F9: variants seen among roughly 807,000 people sequenced by gnomAD.
F9 encodes the protein coagulation factor IX.
Under a neutral mutation model 34.1 loss-of-function variants are expected in F9, and 2 were observed. That is an observed-to-expected ratio of 0.06 (90% CI 0.02 to 0.18). The LOEUF (loss-of-function observed/expected upper bound fraction) is 0.18, where lower values mean the gene tolerates loss of function less well. Among genes scored for constraint, F9 ranks in the 10% least tolerant of loss-of-function variants. The pLI is 1.00. For synonymous variants in F9, 137 were observed against 118.8 expected (o/e 1.15, Z -1.00); for missense variants, 216 against 345.1 (o/e 0.63, Z 2.96).
intron 4 of F9, 28 bp downstream of exon 4, chrX:139,541,217 G>C (rs1212294389): frequency 2.0e-6 from 2 of 1,017,581 alleles, no homozygotes; most frequent in African/African-American, 1.9e-5. Context: ...GAATACTCAT[G>C]GTTCAAAGTT....
Position 139,562,120 on chromosome X carries a change from G to A in F9, c.*49G>A, listed in dbSNP as rs749380514. ...ATTCATTGGAATTGAAAATTAACAG[G>A]GCCTCTCACTAACTAATCACTTTCC... On this transcript the variant is annotated 3_prime_UTR_variant, in exon 8 of 8. Transcript: ENST00000218099. 1.9e-6 allele frequency: 2 copies of A among 1,043,637 alleles called. No individual in the cohort carries two copies. Among genetic ancestry groups the A allele is most frequent in the South Asian group, 1.9e-5 (1 of 52,343 alleles). The allele number at this position is 1,043,637 out of a possible 1,213,427, so 86.0% of individuals were successfully genotyped here.
intron 6 of F9, among the ~76,000 whole-genome samples, chrX:139,554,421 C>T (rs1362440652): frequency 1.8e-5 from 2 of 112,557 alleles, no homozygotes; most frequent in African/African-American, 6.5e-5. Flanking sequence ...GTGAAAGACC[C>T]TGTCATACTT....
In F9 at chrX:139,561,950, C is replaced by T. The variant is rs769009650; in HGVS notation, c.1265C>T (p.Thr422Ile). 5.0e-6 allele frequency: 6 copies of T among 1,211,159 alleles called. No individual in the cohort carries two copies. The South Asian group carries it at 8.8e-5, about 18-fold the overall frequency. ...GGPHVTEVEG[T>I]SFLTGIISWG... Reference sequence around the variant, plus strand: ...CCCCATGTTACTGAAGTGGAAGGGACCAGTTTCTTAACTGGAATTATTAGC... The same window carrying T: ...CCCCATGTTACTGAAGTGGAAGGGATCAGTTTCTTAACTGGAATTATTAGC... The change falls in exon 8 of 8, where the codon ACC becomes ATC. Residue 422 changes from threonine to isoleucine, a missense_variant. Thr to Ile is a moderately conservative substitution (Grantham distance 89, BLOSUM62 -1). This residue lies in a region of F9 where 177 missense variants were observed against 311.8 expected (regional missense o/e 0.57). Coordinates refer to ENST00000218099, the MANE Select transcript of F9 (RefSeq NM_000133.4).
chrX:139,558,020 A>G (rs1344271313), intron 6 of F9, among the ~76,000 whole-genome samples: 2 of 112,210 alleles, frequency 1.8e-5, no homozygotes. Context: ...CACCTGCCCA[A>G]TGAGCACTGC....
At chrX:139,556,160 C>T (rs753202372) in intron 6 of F9, among the ~76,000 whole-genome samples, 1 of 111,113 alleles carries the variant, frequency 9.0e-6, no homozygotes, top group Non-Finnish European at 1.9e-5. Flanking sequence ...ATTTGAAGAT[C>T]ATTCTATTAG....
rs4149693 is a variant in F9, at chrX:139,541,001, A to G, written c.278-75A>G. 931 of 751,417 alleles carry G rather than the reference A, an allele frequency of 1.2e-3. 5 individuals carry two copies. The African/African-American group carries it at 0.015, about 12-fold the overall frequency. The allele number at this position is 751,417 out of a possible 1,213,427, so 61.9% of individuals were successfully genotyped here. A position where few individuals can be genotyped will look rare whatever the true frequency, so the allele number is the denominator to read the frequency against. The stretch of plus-strand genomic sequence containing the variant: ...ACCCTAAAATCAGACTCCCATCCCA[A>G]TGAGTATCTACAGGGGAGGACCGGG... On this transcript the variant is annotated intron_variant, in intron 3 of 7. Coordinates refer to ENST00000218099, the MANE Select transcript of F9 (RefSeq NM_000133.4).
chrX:139,536,187 G>A (rs898531389), intron 1 of F9, among the ~76,000 whole-genome samples: 6 of 75,843 alleles, frequency 7.9e-5, no homozygotes, highest in African/African-American at 2.8e-4. Flanking sequence ...ATATATATGT[G>A]TACATATATG....
chrX:139,537,913 G>A (rs145346158), intron 3 of F9, among the ~76,000 whole-genome samples: 1 of 111,004 alleles, frequency 9.0e-6, no homozygotes, highest in Non-Finnish European at 1.9e-5. Flanking sequence ...GGCTTTATCT[G>A]GCTGTTTCTC....
At chrX:139,556,968 T>G (rs769460242) in intron 6 of F9, among the ~76,000 whole-genome samples, 1 of 111,988 alleles carries the variant, frequency 8.9e-6, no homozygotes, top group African/African-American at 3.2e-5. Flanking sequence ...AACGGTTACG[T>G]TGGAGTTAAA....
chrX:139,543,969 G>A (rs1166842464), intron 4 of F9, among the ~76,000 whole-genome samples: 1 of 111,532 alleles, frequency 9.0e-6, no homozygotes, highest in Non-Finnish European at 1.9e-5. Flanking sequence ...TTTAGCTGAG[G>A]GCAAAAGATT....
intron 5 of F9, among the ~76,000 whole-genome samples, chrX:139,549,773 G>T (rs190511725): frequency 2.8e-3 from 311 of 112,489 alleles, no homozygotes; most frequent in Non-Finnish European, 5.0e-3. Context: ...GTGCTGCAGA[G>T]ATTTTGTTTA....
intron 4 of F9, 122 bp from the exon 5 acceptor site, chrX:139,548,241 A>AT: frequency 7.9e-6 from 6 of 758,237 alleles, no homozygotes; most frequent in Non-Finnish European, 1.2e-5. Context: ...TCCCCAACGT[A>AT]TATTGGGGGC....
chrX:139,542,798 G>A (rs764122012), intron 4 of F9, among the ~76,000 whole-genome samples: 1 of 111,548 alleles, frequency 9.0e-6, no homozygotes, highest in Non-Finnish European at 1.9e-5. Flanking sequence ...AAAATGCTAA[G>A]TCTACAACTG....
At chrX:139,538,866 C>T (rs1927542916) in intron 3 of F9, among the ~76,000 whole-genome samples, 1 of 111,128 alleles carries the variant, frequency 9.0e-6, no homozygotes, top group East Asian at 2.8e-4. Context: ...TTTTGGGTCA[C>T]ATAGGTACAC....
intron 1 of F9, among the ~76,000 whole-genome samples, chrX:139,536,176 CATATATATGTGTACATAT>C (rs1927459166): frequency 2.4e-5 from 2 of 83,921 alleles, no homozygotes; most frequent in Admixed American, 2.6e-4. Flanking sequence ...TATATGTATA[CATATATATGTGTACATAT>C]ATGTATACAT....
At position 139,561,723 on chromosome X, in the gene F9, C is replaced by T. The variant is rs769827536; in HGVS notation, c.1038C>T (p.Leu346=). Residue 346 remains leucine (L), a synonymous_variant, in exon 8 of 8, where the codon CTC becomes CTT. Coordinates refer to ENST00000218099, the MANE Select transcript of F9 (RefSeq NM_000133.4). ...IADKEYTNIF[L]KFGSGYVSGW... is the part of the protein sequence containing the mutation. ...ACAAGGAATACACGAACATCTTCCTCAAATTTGGATCTGGCTATGTAAGTG... is the reference window on the plus strand; with the variant it reads ...ACAAGGAATACACGAACATCTTCCTTAAATTTGGATCTGGCTATGTAAGTG... 1 of 1,211,923 alleles carries T rather than the reference C, an allele frequency of 8.3e-7. No individual in the cohort carries two copies. The highest frequency in any genetic ancestry group is 1.1e-6 in the Non-Finnish European group (1 of 895,545).
At chrX:139,561,500 TA>T in intron 7 of F9, 23 bp from the exon 8 acceptor site, 1 of 1,187,667 alleles carries the variant, frequency 8.4e-7, no homozygotes, top group Non-Finnish European at 1.1e-6. Context: ...GTTTGTGACT[TA>T]AAATGAAATT....
intron 5 of F9, 81 bp downstream of exon 5, chrX:139,548,572 C>A: frequency 9.7e-7 from 1 of 1,025,878 alleles, no homozygotes; most frequent in Non-Finnish European, 1.3e-6. Context: ...AATTTTAATT[C>A]CTACTTGAAT....
chrX:139,552,293 C>T (rs999470463), intron 6 of F9, among the ~76,000 whole-genome samples: 2 of 112,322 alleles, frequency 1.8e-5, no homozygotes, highest in Admixed American at 9.4e-5. Context: ...TAGTCCTTCC[C>T]GGGTGCTCTG....
Sources: gnomAD v4.1 joint callset for allele counts (sites outside exome capture counted in the v4.1 genomes callset) on GRCh38, gnomAD v4.1.1 for gene constraint, gnomAD v4.1.1 regional missense constraint, MANE v1.5 for transcripts, NCBI Gene and HGNC (gene_info 2026-07-23, HGNC 2026-07-21) for gene names.